SORBS2: variants seen among roughly 807,000 people sequenced by gnomAD.
The protein encoded by SORBS2 is sorbin and SH3 domain containing 2, also known as sorbin and SH3 domain-containing protein 2.
Under a neutral mutation model 97.7 loss-of-function variants are expected in SORBS2, and 46 were observed. That is an observed-to-expected ratio of 0.47 (90% CI 0.37 to 0.60). SORBS2 has a LOEUF of 0.60. Among genes scored for constraint, SORBS2 ranks in the 20% least tolerant of loss-of-function variants. The pLI is 0.00. For missense variants in SORBS2, 1,316 were observed against 1,282.3 expected (o/e 1.03, Z -0.40); for synonymous variants, 476 against 473.4 (o/e 1.01, Z -0.07).
intron 1 of SORBS2, among the ~76,000 whole-genome samples, chr4:185,898,172 C>A (rs2149821747): frequency 6.6e-6 from 1 of 152,316 alleles, no homozygotes; most frequent in Middle Eastern, 3.4e-3. Context: ...TTCTGATTGA[C>A]ATCCCATTAC....
At chr4:185,767,965 C>T (rs1398704641) in intron 2 of SORBS2, among the ~76,000 whole-genome samples, 1 of 152,166 alleles carries the variant, frequency 6.6e-6, no homozygotes, top group East Asian at 1.9e-4. Flanking sequence ...CTTTGCTGTC[C>T]ATCACCTTCT....
intron 1 of SORBS2, among the ~76,000 whole-genome samples, chr4:185,816,955 A>G (rs7673804): frequency 0.53 from 80,422 of 151,574 alleles, 21,678 homozygotes; most frequent in East Asian, 0.7. Flanking sequence ...GAAATTCTGT[A>G]TACTCTCTAG....
exon 4 of SORBS2, chr4:185,646,740 T>A: frequency 6.2e-7 from 1 of 1,613,816 alleles, no homozygotes; most frequent in Non-Finnish European, 8.5e-7. Context: ...CAGACCGAAA[T>A]TTTCTTGTGT....
intron 2 of SORBS2, among the ~76,000 whole-genome samples, chr4:185,752,881 A>G (rs939551596): frequency 2.6e-5 from 4 of 152,212 alleles, no homozygotes; most frequent in Admixed American, 2.0e-4. Flanking sequence ...GAGGTACTTA[A>G]TGGATGTTTA....
chr4:185,729,442 C>A (rs2153569370), intron 2 of SORBS2, among the ~76,000 whole-genome samples: 1 of 152,324 alleles, frequency 6.6e-6, no homozygotes, highest in South Asian at 2.1e-4. Flanking sequence ...ACTCTCAGGG[C>A]CTCCTCTGCC....
At chr4:185,765,965 T>A (rs545923788) in intron 2 of SORBS2, among the ~76,000 whole-genome samples, 1 of 152,326 alleles carries the variant, frequency 6.6e-6, no homozygotes, top group African/African-American at 2.4e-5. Flanking sequence ...TCATAGTGGA[T>A]ATAAAAAGAA....
intron 1 of SORBS2, among the ~76,000 whole-genome samples, chr4:185,889,121 G>T (rs1215912793): frequency 6.6e-6 from 1 of 152,148 alleles, no homozygotes; most frequent in Admixed American, 6.5e-5. Flanking sequence ...TAGAGGAAGA[G>T]GGTTTTTTCT....
At chr4:185,630,586 G>C in exon 5 of SORBS2, 2 of 1,598,372 alleles carry the variant, frequency 1.3e-6, no homozygotes, top group Non-Finnish European at 1.7e-6. Context: ...ATAGAGGACT[G>C]ATACAAGGAG....
At chr4:185,655,079 C>G (rs2097375563) in intron 1 of SORBS2, among the ~76,000 whole-genome samples, 1 of 152,172 alleles carries the variant, frequency 6.6e-6, no homozygotes, top group Admixed American at 6.5e-5. Context: ...CTCATGGGAG[C>G]TGAGCCCTGG....
chr4:185,921,318 G>A (rs186375648), intron 1 of SORBS2, among the ~76,000 whole-genome samples: 179 of 152,326 alleles, frequency 1.2e-3, no homozygotes, highest in African/African-American at 4.1e-3. Flanking sequence ...GACAATCACT[G>A]TAGGCTGTTT....
At chr4:185,956,265 G>T (rs1439954451) in exon 1 of SORBS2, 2 of 152,252 alleles carry the variant, frequency 1.3e-5, no homozygotes, top group Admixed American at 6.5e-5. Flanking sequence ...TGAGTTGCTT[G>T]GGCAGGTATT....
At chr4:185,667,584 ATGGGTTAAGAAACC>A (rs2097634762) in intron 4 of SORBS2, among the ~76,000 whole-genome samples, 2 of 151,742 alleles carry the variant, frequency 1.3e-5, no homozygotes, top group Non-Finnish European at 2.9e-5. Context: ...CCTTAATCTA[ATGGGTTAAGAAACC>A]CCAACCTTGG....
intron 1 of SORBS2, among the ~76,000 whole-genome samples, chr4:185,915,493 G>C (rs761339728): frequency 6.6e-6 from 1 of 152,202 alleles, no homozygotes; most frequent in African/African-American, 2.4e-5. Flanking sequence ...GCCTGGGGAG[G>C]ACCAGGAGAG....
chr4:185,825,173 T>TG (rs2099199071), intron 1 of SORBS2, among the ~76,000 whole-genome samples: 1 of 151,402 alleles, frequency 6.6e-6, no homozygotes, highest in Non-Finnish European at 1.5e-5. Context: ...ATTAGGCACA[T>TG]GGGGAATATC....
rs1278057050 is a variant in SORBS2, at chr4:185,952,577, T to G, written c.-338+3619A>C. Reference sequence around the variant, plus strand: ...TTTCGTCTTTGAGAAAATCAAGGCATGCAGTGCAGTTCCCTTGAATAGGGA... The same window carrying G: ...TTTCGTCTTTGAGAAAATCAAGGCAGGCAGTGCAGTTCCCTTGAATAGGGA... On this transcript the variant is annotated intron_variant, in intron 1 of 20. Coordinates refer to the SORBS2 transcript ENST00000284776. Among the ~76,000 whole-genome samples, 7 of 152,324 alleles carry G rather than the reference T, an allele frequency of 4.6e-5. No individual in the cohort carries two copies. In the East Asian group the frequency reaches 1.4e-3, roughly 29 times the overall value.
chr4:185,941,661 T>G (rs1378853677), intron 1 of SORBS2, among the ~76,000 whole-genome samples: 2 of 152,176 alleles, frequency 1.3e-5, no homozygotes, highest in Non-Finnish European at 2.9e-5. Context: ...TTTTTCCTCC[T>G]CACTCCTGTA....
upstream of SORBS2, among the ~76,000 whole-genome samples, chr4:185,660,212 G>A (rs916936597): frequency 2.6e-5 from 4 of 152,140 alleles, no homozygotes; most frequent in Admixed American, 1.3e-4. Flanking sequence ...TGTTGTTGTT[G>A]TTGGGTGGGG....
chr4:185,868,155 C>CTTTTTTTTTT (rs1431293135), intron 1 of SORBS2, among the ~76,000 whole-genome samples: 4,445 of 99,510 alleles, frequency 0.045, 470 homozygotes, highest in Non-Finnish European at 0.062. Context: ...TTCTTTTTTT[C>CTTTTTTTTTT]TTTCTTTTTT....
At chr4:185,678,368 T>A in intron 4 of SORBS2, 55 bp downstream of exon 7, 1 of 1,412,856 alleles carries the variant, frequency 7.1e-7, no homozygotes, top group Non-Finnish European at 9.5e-7. Flanking sequence ...CTGTAAGCAG[T>A]GGTCTAATAA....
Sources: allele counts gnomAD v4.1 joint callset (sites outside exome capture counted in the v4.1 genomes callset), GRCh38; gene constraint gnomAD v4.1.1; transcripts MANE v1.5; gene names NCBI Gene and HGNC (gene_info 2026-07-23, HGNC 2026-07-21).